The following TIAM2 variants were observed in gnomAD, a reference collection of about 807,000 sequenced individuals.
TIAM2 encodes rho guanine nucleotide exchange factor TIAM2.
A neutral mutation model predicts 152.9 loss-of-function variants in TIAM2; 80 were observed. The observed-to-expected ratio is 0.52, with a 90% CI of 0.44 to 0.63. TIAM2 has a LOEUF of 0.63. Among genes scored for constraint, TIAM2 ranks in the 30% least tolerant of loss-of-function variants. TIAM2 has a pLI of 0.00. For synonymous variants in TIAM2, 804 were observed against 838.0 expected, an observed-to-expected ratio of 0.96 and a Z score of 0.70; for missense variants, 1,965 against 2,120.1, an observed-to-expected ratio of 0.93 and a Z score of 1.44.
At chr6:155,159,699 C>T (rs989376977) in intron 7 of TIAM2, among the ~76,000 whole-genome samples, 35 of 152,164 alleles carry the variant, frequency 2.3e-4, no homozygotes, top group Middle Eastern at 3.2e-3. Flanking sequence ...GGGGCCTCAC[C>T]GTACTTTTAC....
At chr6:155,162,199 C>G (rs1780291651) in intron 7 of TIAM2, among the ~76,000 whole-genome samples, 1 of 152,146 alleles carries the variant, frequency 6.6e-6, no homozygotes, top group Non-Finnish European at 1.5e-5. Flanking sequence ...CTCAAGCAGT[C>G]TGCCCACCTC....
Position 155,164,538 on chromosome 6 carries a change from C to T in TIAM2, c.2152C>T (p.Arg718Cys), listed in dbSNP as rs144207308. ...AAAGAGTCTCCTTGCAGCCGCCAGC[C>T]GCCCCTCCAAGCTGGCCCTCGGCAG... ...NPKSLLAAAS[R>C]PSKLALGRLG... The change falls in exon 8 of 27, where the codon CGC becomes TGC. Residue 718 changes from arginine to cysteine, a missense_variant. Arg to Cys is a radical substitution (Grantham distance 180). Coordinates refer to ENST00000682666, the MANE Select transcript of TIAM2 (RefSeq NM_012454.4). 28 of 1,614,002 alleles carry T rather than the reference C, an allele frequency of 1.7e-5. No individual in the cohort carries two copies. Among genetic ancestry groups the T allele is most frequent in the South Asian group, 6.6e-5 (6 of 91,082 alleles).
At chr6:155,252,097 G>T in intron 23 of TIAM2, 94 bp downstream of exon 23, 1 of 948,336 alleles carries the variant, frequency 1.1e-6, no homozygotes, top group East Asian at 2.6e-5. Context: ...CACCAAGGCT[G>T]GGCTGACTGA....
intron 9 of TIAM2, among the ~76,000 whole-genome samples, chr6:155,173,435 A>G (rs1429271929): frequency 1.3e-5 from 2 of 152,148 alleles, no homozygotes; most frequent in Admixed American, 6.6e-5. Flanking sequence ...TTGTCCTTCC[A>G]TCCTTCCATC....
rs1001769394 is a variant in TIAM2 at position 155,164,735 on chromosome 6, G to A, written c.2214+135G>A. On this transcript the variant is annotated intron_variant, in intron 8 of 26. Coordinates refer to ENST00000682666, the MANE Select transcript of TIAM2 (RefSeq NM_012454.4). ...ACACCTAGAGGCCAGGTCACCCAGA[G>A]GCCAGGGGCCTGGAGATGAAGGAGA... The A allele has an allele frequency of 9.3e-6, 10 of 1,075,582 alleles. No individual in the cohort carries two copies. In the African/African-American group the frequency reaches 1.6e-4, roughly 17 times the overall value. The allele number at this position is 1,075,582 out of a possible 1,614,324, so 66.6% of individuals were successfully genotyped here.
intron 2 of TIAM2, among the ~76,000 whole-genome samples, chr6:155,126,975 G>C (rs1404439011): frequency 1.3e-5 from 2 of 152,106 alleles, no homozygotes; most frequent in African/African-American, 4.8e-5. Flanking sequence ...CTCAGAGGGG[G>C]ACCTCTTGCC....
chr6:155,097,632 T>G (rs1778446549), intron 2 of TIAM2, among the ~76,000 whole-genome samples: 1 of 152,228 alleles, frequency 6.6e-6, no homozygotes, highest in Non-Finnish European at 1.5e-5. Flanking sequence ...TGAGCCACCA[T>G]GCCTAGCCTG....
At chr6:155,130,463 A>T in intron 4 of TIAM2, 46 bp downstream of exon 4, 1 of 1,540,998 alleles carries the variant, frequency 6.5e-7, no homozygotes, top group Non-Finnish European at 8.8e-7. Flanking sequence ...CAGTTTCCCC[A>T]CCTGGAGAAG....
At chr6:155,208,120 C>T (rs1020536452) in intron 14 of TIAM2, among the ~76,000 whole-genome samples, 2 of 152,070 alleles carry the variant, frequency 1.3e-5, no homozygotes, top group Non-Finnish European at 1.5e-5. Flanking sequence ...CTGTGAAATC[C>T]CCATCATCAG....
intron 3 of TIAM2, 21 bp downstream of exon 3, chr6:155,127,621 T>G (rs976679259): frequency 2.2e-6 from 1 of 455,868 alleles, no homozygotes; most frequent in African/African-American, 2.0e-5. Flanking sequence ...CCCTTGTGCC[T>G]GGGGGTCACG....
At chr6:155,044,263 C>T (rs978270340) in intron 1 of TIAM2, among the ~76,000 whole-genome samples, 3 of 152,114 alleles carry the variant, frequency 2.0e-5, no homozygotes, top group African/African-American at 7.2e-5. Flanking sequence ...GACTAGAAGC[C>T]AGGTGTTCTC....
At chr6:155,009,293 A>G (rs975126400) in intron 1 of TIAM2, among the ~76,000 whole-genome samples, 2 of 151,002 alleles carry the variant, frequency 1.3e-5, no homozygotes, top group African/African-American at 4.9e-5. Flanking sequence ...GTAGAGATAG[A>G]GCTTCACCAT....
At position 155,211,286 on chromosome 6, in the gene TIAM2, G is replaced by A. The variant is rs201514659; in HGVS notation, c.3147G>A (p.Glu1049=). 3.1e-6 allele frequency: 5 copies of A among 1,613,362 alleles called. No individual in the cohort carries two copies. The highest frequency in any genetic ancestry group is 4.2e-6 in the Non-Finnish European group (5 of 1,179,492). Residue 1049 remains glutamate, a synonymous_variant, in exon 15 of 27, where the codon GAG becomes GAA. Transcript: ENST00000682666. The part of the protein sequence containing the change: ...DGTLDQVSHR[E]KMEQTFRSAE... The stretch of plus-strand genomic sequence containing the variant: ...CTCTGGATCAGGTTTCCCACAGGGA[G>A]AAAATGGAGCAGACATTCAGGGTAA...
chr6:155,079,834 G>C (rs1035325651), intron 1 of TIAM2, among the ~76,000 whole-genome samples: 2 of 152,178 alleles, frequency 1.3e-5, no homozygotes, highest in African/African-American at 4.8e-5. Context: ...TGTAATCCCA[G>C]CTTCTCAGAA....
At chr6:155,150,575 T>G (rs1027287961) in intron 7 of TIAM2, among the ~76,000 whole-genome samples, 3 of 152,148 alleles carry the variant, frequency 2.0e-5, no homozygotes, top group African/African-American at 4.8e-5. Flanking sequence ...AGTTGGCAGT[T>G]AGGTTGGATA....
chr6:155,041,930 A>G (rs910025972), intron 1 of TIAM2, among the ~76,000 whole-genome samples: 1 of 152,170 alleles, frequency 6.6e-6, no homozygotes, highest in African/African-American at 2.4e-5. Flanking sequence ...TAGTTGAAAC[A>G]GTTTTGTATT....
intron 1 of TIAM2, among the ~76,000 whole-genome samples, chr6:155,071,895 C>CAA (rs374621162): frequency 2.9e-4 from 32 of 108,888 alleles, no homozygotes; most frequent in South Asian, 8.6e-4. Context: ...AACTCTGTGT[C>CAA]AAAAAAAAAA....
At chr6:155,239,691 C>T (rs1273288426) in intron 15 of TIAM2, among the ~76,000 whole-genome samples, 1 of 152,190 alleles carries the variant, frequency 6.6e-6, no homozygotes, top group Non-Finnish European at 1.5e-5. Flanking sequence ...CTATGTGATT[C>T]CTTTCCCATG....
At chr6:155,101,424 AG>A (rs1778546833) in intron 2 of TIAM2, among the ~76,000 whole-genome samples, 1 of 152,204 alleles carries the variant, frequency 6.6e-6, no homozygotes, top group African/African-American at 2.4e-5. Flanking sequence ...ATTACATCCA[AG>A]GTGCACATTT....
Sources: gnomAD v4.1 joint callset for allele counts (sites outside exome capture counted in the v4.1 genomes callset) on GRCh38, gnomAD v4.1.1 for gene constraint, MANE v1.5 for transcripts, NCBI Gene and HGNC (gene_info 2026-07-23, HGNC 2026-07-21) for gene names.